KCTD13: variants seen among roughly 807,000 people sequenced by gnomAD.
KCTD13 encodes the protein potassium channel tetramerization domain containing 13.
In KCTD13, 15 loss-of-function variants were observed where a neutral mutation model predicts 32.3. The ratio of observed to expected loss-of-function variants is 0.46; its 90% CI spans 0.31 to 0.71. The LOEUF is 0.71. Ranked by LOEUF, KCTD13 falls within the 30% of genes least tolerant of loss-of-function variation. KCTD13 has a pLI of 0.05. For synonymous variants in KCTD13, 189 were observed against 200.1 expected (o/e 0.94, Z 0.47); for missense variants, 337 against 452.6 (o/e 0.74, Z 2.32).
chr16:29,907,170 C>G (rs1424494007), intron 5 of KCTD13, 62 bp from the exon 6 acceptor site: 1 of 1,199,620 alleles, frequency 8.3e-7, no homozygotes, highest in African/African-American at 1.5e-5. Flanking sequence ...GGCCATCCCC[C>G]TGCCTAGGGC....
chr16:29,921,103 A>G (rs1411369700), intron 2 of KCTD13: 1 of 152,178 alleles, frequency 6.6e-6, no homozygotes, highest in Non-Finnish European at 1.5e-5. Context: ...ATAGATCTTG[A>G]AAAAAAGTGC....
At position 29,912,062 on chromosome 16, in the gene KCTD13, C is replaced by G. The variant is rs370642081; in HGVS notation, c.415-13G>C. The G allele has an allele frequency of 1.3e-6, 2 of 1,578,858 alleles. No individual in the cohort carries two copies. The highest frequency in any genetic ancestry group is 1.7e-4 in the Middle Eastern group (1 of 5,998). On this transcript the variant is annotated splice_polypyrimidine_tract_variant and intron_variant, in intron 2 of 5. Transcript: ENST00000568000. ...TCTCCCTTTTTTGCTGGGGAAGAAGCGGAAGGTGGTTAACAGCACAACCAA... is the reference window on the plus strand; with the variant it reads ...TCTCCCTTTTTTGCTGGGGAAGAAGGGGAAGGTGGTTAACAGCACAACCAA...
Position 29,926,070 on chromosome 16 carries a change from C to T in KCTD13, c.-37G>A, listed in dbSNP as rs568930000. On this transcript the variant is annotated 5_prime_UTR_variant, in exon 1 of 6. Coordinates refer to ENST00000568000, the MANE Select transcript of KCTD13 (RefSeq NM_178863.5). The stretch of plus-strand genomic sequence containing the variant: ...GCGGCGGACGGCGATCCCAGGATCT[C>T]TCCGCGCCCTGCGGCCTGCTCCCGA... 6.2e-6 allele frequency: 9 copies of T among 1,456,424 alleles called. No homozygotes were observed. In the South Asian group the frequency reaches 1.3e-4, roughly 21 times the overall value. 90.2% of individuals were successfully genotyped at this position (1,456,424 alleles called of 1,614,324 possible).
At chr16:29,922,438 T>C (rs1176179988) in intron 2 of KCTD13, 1 of 152,320 alleles carries the variant, frequency 6.6e-6, no homozygotes, top group South Asian at 2.1e-4. Context: ...TAAAACTCAC[T>C]ACTTTGTACT....
At chr16:29,921,218 GCATATGTATCAAAA>G (rs1358534388) in intron 2 of KCTD13, 1 of 152,146 alleles carries the variant, frequency 6.6e-6, no homozygotes, top group African/African-American at 2.4e-5. Flanking sequence ...AGCTTTTCGA[GCATATGTATCAAAA>G]CATTAAAATT....
chr16:29,926,167 G>T lies in KCTD13; in HGVS notation c.-134C>A. The T allele has an allele frequency of 1.9e-6, 2 of 1,039,664 alleles. No individual in the cohort carries two copies. The highest frequency in any genetic ancestry group is 1.3e-6 in the Non-Finnish European group (1 of 771,766). 64.4% of individuals were successfully genotyped at this position (1,039,664 alleles called of 1,614,324 possible). On this transcript the variant is annotated 5_prime_UTR_variant, in exon 1 of 6. Coordinates refer to ENST00000568000, the MANE Select transcript of KCTD13 (RefSeq NM_178863.5). ...CACGCCCACTCACCGCAGCTACTCT[G>T]CAAGACCGGCCCTCCGCCCCATCTC...
At chr16:29,923,106 C>T (rs751958879) in intron 2 of KCTD13, 84 bp downstream of exon 2, 1 of 1,456,046 alleles carries the variant, frequency 6.9e-7, no homozygotes, top group South Asian at 1.3e-5. Context: ...CCAAGCCATA[C>T]CCCATATCTC....
At chr16:29,912,366 GCCT>G in intron 2 of KCTD13, 1 of 453,812 alleles carries the variant, frequency 2.2e-6, no homozygotes, top group Non-Finnish European at 3.9e-6. Context: ...GTCACACAGT[GCCT>G]CCTCAGGGCC....
chr16:29,910,712 A>C (rs929898723), intron 5 of KCTD13, among the ~76,000 whole-genome samples: 1 of 151,774 alleles, frequency 6.6e-6, no homozygotes, highest in Non-Finnish European at 1.5e-5. Context: ...AAATGCATAC[A>C]CCCCCATTTC....
At position 29,906,856 on chromosome 16, in the gene KCTD13, G is replaced by A. The variant is rs746975483; in HGVS notation, c.*16C>T. The A allele has an allele frequency of 1.2e-6, 2 of 1,605,310 alleles. No individual in the cohort carries two copies. Among genetic ancestry groups the A allele is most frequent in the African/African-American group, 1.3e-5 (1 of 74,740 alleles). On this transcript the variant is annotated 3_prime_UTR_variant, in exon 6 of 6. Transcript: ENST00000568000. ...TGGGTCCCAAGGCAAGAGGAAGGCA[G>A]GGGGAGGGTCAGAGGTCAGTCCTTG...
chr16:29,923,505 T>C (rs1009859554), intron 1 of KCTD13, 146 bp from the exon 2 acceptor site: 4 of 653,456 alleles, frequency 6.1e-6, no homozygotes, highest in Non-Finnish European at 1.0e-5. Flanking sequence ...GATCCTCCCA[T>C]CTCGGCCTCC....
At chr16:29,925,565 G>GT (rs1008500098) in intron 1 of KCTD13, 1 of 586,140 alleles carries the variant, frequency 1.7e-6, no homozygotes. Context: ...TAGGGGTTCC[G>GT]TAAGTGTTGG....
intron 5 of KCTD13, among the ~76,000 whole-genome samples, chr16:29,908,056 C>T (rs1597010175): frequency 1.3e-5 from 2 of 150,720 alleles, no homozygotes; most frequent in Admixed American, 1.3e-4. Context: ...GATGTGATAG[C>T]CAGAGCCAGG....
chr16:29,908,622 G>T (rs561405384), intron 5 of KCTD13, among the ~76,000 whole-genome samples: 1 of 151,048 alleles, frequency 6.6e-6, no homozygotes, highest in Admixed American at 6.6e-5. Context: ...CTGACCTCGT[G>T]ATCTGCCCGC....
chr16:29,924,662 C>A (rs1356588081), intron 1 of KCTD13, among the ~76,000 whole-genome samples: 1 of 151,998 alleles, frequency 6.6e-6, no homozygotes, highest in Non-Finnish European at 1.5e-5. Context: ...GGTTCATTTA[C>A]CTATCTCCAG....
In KCTD13 at chr16:29,923,337, G is replaced by A. The variant is rs769309709; in HGVS notation, c.267C>T (p.Ser89=). ...TGAGGATTGTACCAAAGTGACGGCC[G>A]CTCCGGTCAATCAGCACCCAACCTA... ...DAGGWVLIDR[S]GRHFGTILNY... Residue 89 remains serine, a synonymous_variant, in exon 2 of 6, where the codon AGC becomes AGT. Coordinates refer to ENST00000568000, the MANE Select transcript of KCTD13 (RefSeq NM_178863.5). The A allele has an allele frequency of 1.1e-5, 17 of 1,613,832 alleles. No homozygotes were observed. The highest frequency in any genetic ancestry group is 5.0e-5 in the Admixed American group (3 of 59,976).
At position 29,911,977 on chromosome 16, in the gene KCTD13, G is replaced by C; in HGVS notation, c.487C>G (p.Leu163Val). Residue 163 changes from leucine to valine, a missense_variant, in exon 3 of 6, where the codon CTG becomes GTG. By Grantham distance (32) the Leu-to-Val change is conservative. Coordinates refer to ENST00000568000, the MANE Select transcript of KCTD13 (RefSeq NM_178863.5). The part of the protein sequence containing the change: ...VTSPREEQQL[L>V]ASTSKPVVKL... Reference sequence around the variant, plus strand: ...GGCCTCACCTTGGAGGTGCTGGCCAGGAGCTGCTGCTCCTCCCGGGGAGAT... The same window carrying C: ...GGCCTCACCTTGGAGGTGCTGGCCACGAGCTGCTGCTCCTCCCGGGGAGAT... 6.2e-7 allele frequency: 1 copy of C among 1,611,708 alleles called. No homozygotes were observed. The highest frequency in any genetic ancestry group is 8.5e-7 in the Non-Finnish European group (1 of 1,179,224).
In KCTD13 at chr16:29,923,319, T is replaced by C; in HGVS notation, c.285A>G (p.Thr95=). ...LIDRSGRHFG[T]ILNYLRDGSV... ...ACCCATCCCGCAGGTAATTGAGGATTGTACCAAAGTGACGGCCGCTCCGGT... is the reference window on the plus strand; with the variant it reads ...ACCCATCCCGCAGGTAATTGAGGATCGTACCAAAGTGACGGCCGCTCCGGT... Residue 95 remains threonine, a synonymous_variant, in exon 2 of 6, where the codon ACA becomes ACG. Coordinates refer to ENST00000568000, the MANE Select transcript of KCTD13 (RefSeq NM_178863.5). 6.2e-7 allele frequency: 1 copy of C among 1,614,128 alleles called. No individual in the cohort carries two copies. Among genetic ancestry groups the C allele is most frequent in the Non-Finnish European group, 8.5e-7 (1 of 1,180,030 alleles).
chr16:29,916,736 C>T (rs1385855512), intron 2 of KCTD13, among the ~76,000 whole-genome samples: 1 of 152,206 alleles, frequency 6.6e-6, no homozygotes, highest in Non-Finnish European at 1.5e-5. Context: ...CATTATCTCA[C>T]ATAGTTTCTG....
Sources: gnomAD v4.1 joint callset for allele counts (sites outside exome capture counted in the v4.1 genomes callset) on GRCh38, gnomAD v4.1.1 for gene constraint, MANE v1.5 for transcripts, NCBI Gene and HGNC (gene_info 2026-07-23, HGNC 2026-07-21) for gene names.